Variants in CNTNAP2 observed in about 807,000 individuals in gnomAD.
CNTNAP2 encodes the protein contactin associated protein 2.
In CNTNAP2, 98 loss-of-function variants were observed where a neutral mutation model predicts 155.2. The ratio of observed to expected loss-of-function variants is 0.63; its 90% CI spans 0.54 to 0.75. The LOEUF is 0.75. Among genes scored for constraint, CNTNAP2 ranks in the 30% least tolerant of loss-of-function variants. CNTNAP2 has a pLI of 0.00. For missense variants in CNTNAP2, 1,727 were observed against 1,688.1 expected (o/e 1.02, Z -0.40); for synonymous variants, 651 against 631.2 (o/e 1.03, Z -0.47).
chr7:146,212,492 TA>T (rs1409866800), intron 1 of CNTNAP2, among the ~76,000 whole-genome samples: 1 of 152,118 alleles, frequency 6.6e-6, no homozygotes, highest in Non-Finnish European at 1.5e-5. Context: ...TTTTGAGCAT[TA>T]GATTCCCAAA....
At chr7:146,303,260 A>G (rs1800646144) in intron 1 of CNTNAP2, among the ~76,000 whole-genome samples, 1 of 152,144 alleles carries the variant, frequency 6.6e-6, no homozygotes, top group South Asian at 2.1e-4. Context: ...AAACATGAAC[A>G]AAAATTGAGA....
chr7:147,020,905 C>A (rs1022602895), intron 3 of CNTNAP2, among the ~76,000 whole-genome samples: 1 of 152,088 alleles, frequency 6.6e-6, no homozygotes, highest in African/African-American at 2.4e-5. Flanking sequence ...AATGTAGTTT[C>A]ATGTTCTTAG....
At chr7:147,408,900 T>C (rs1327228899) in intron 10 of CNTNAP2, among the ~76,000 whole-genome samples, 1 of 152,168 alleles carries the variant, frequency 6.6e-6, no homozygotes, top group African/African-American at 2.4e-5. Flanking sequence ...GCAGAGGTGA[T>C]GAGAAATGAA....
chr7:146,132,351 G>A (rs949883940), intron 1 of CNTNAP2, among the ~76,000 whole-genome samples: 1 of 152,098 alleles, frequency 6.6e-6, no homozygotes, highest in African/African-American at 2.4e-5. Context: ...AAACTACCTG[G>A]CAGATTCTGA....
At chr7:148,330,318 G>A (rs62649285) in intron 21 of CNTNAP2, among the ~76,000 whole-genome samples, 58,845 of 149,938 alleles carry the variant, frequency 0.39, 12,207 homozygotes, top group East Asian at 0.52. Context: ...TGGAGCAGAT[G>A]GATAGAGTGA....
chr7:147,102,123 A>G (rs76409409), intron 4 of CNTNAP2, among the ~76,000 whole-genome samples: 1,681 of 152,228 alleles, frequency 0.011, 28 homozygotes, highest in African/African-American at 0.038. Flanking sequence ...GTAAACTATG[A>G]GTTTTAAAAA....
At position 146,192,444 on chromosome 7, in the gene CNTNAP2, G is replaced by T. The variant is rs1312736197; in HGVS notation, c.97+75471G>T. 3.3e-5 allele frequency among the ~76,000 whole-genome samples: 5 copies of T among 152,284 alleles called. No homozygotes were observed. In the East Asian group the frequency reaches 9.7e-4, roughly 29 times the overall value. On this transcript the variant is annotated intron_variant, in intron 1 of 23. Transcript: ENST00000361727. The stretch of plus-strand genomic sequence containing the variant: ...AGAAGTTTAATGAACTCACAGTTCA[G>T]CATGGACGGGGAGGCCTCATAATCC...
intron 15 of CNTNAP2, among the ~76,000 whole-genome samples, chr7:148,095,035 G>A (rs371988202): frequency 5.3e-5 from 8 of 152,286 alleles, no homozygotes; most frequent in African/African-American, 1.9e-4. Flanking sequence ...GAAAGATGAT[G>A]AGAGAGAATA....
intron 8 of CNTNAP2, among the ~76,000 whole-genome samples, chr7:147,206,652 T>C (rs927402632): frequency 6.6e-6 from 1 of 152,198 alleles, no homozygotes; most frequent in African/African-American, 2.4e-5. Context: ...TTATATATTA[T>C]AGTGTTAATA....
intron 3 of CNTNAP2, among the ~76,000 whole-genome samples, chr7:147,033,186 A>G (rs938822484): frequency 5.4e-5 from 6 of 110,120 alleles, no homozygotes; most frequent in African/African-American, 1.7e-4. Flanking sequence ...ATATATATAT[A>G]TATATATATA....
At chr7:146,851,934 C>A (rs888779982) in intron 3 of CNTNAP2, among the ~76,000 whole-genome samples, 1 of 152,014 alleles carries the variant, frequency 6.6e-6, no homozygotes, top group Admixed American at 6.6e-5. Flanking sequence ...AGTCCTCCCA[C>A]CTCGGCCTCC....
In CNTNAP2 at chr7:147,801,855, G is replaced by C. The variant is rs1002065474; in HGVS notation, c.2099-101710G>C. 7.2e-5 allele frequency among the ~76,000 whole-genome samples: 11 copies of C among 151,730 alleles called. No individual in the cohort carries two copies. In the East Asian group the frequency reaches 1.2e-3, roughly 16 times the overall value. ...CCTGCTGGGCACACCTCCCAGACGG[G>C]GGGGGCGGCCGGGCAGAGGGGCTCC... is the stretch of plus-strand genomic sequence containing the variant. On this transcript the variant is annotated intron_variant, in intron 13 of 23. Transcript: ENST00000361727.
intron 1 of CNTNAP2, among the ~76,000 whole-genome samples, chr7:146,431,907 A>G (rs920637412): frequency 6.6e-6 from 1 of 152,108 alleles, no homozygotes; most frequent in African/African-American, 2.4e-5. Context: ...GATCTGAGAA[A>G]TATTCTTACA....
At chr7:147,600,353 A>G (rs1800920082) in intron 12 of CNTNAP2, among the ~76,000 whole-genome samples, 1 of 152,198 alleles carries the variant, frequency 6.6e-6, no homozygotes. Flanking sequence ...TATTAGTAAC[A>G]TTAGGCTTTG....
At position 146,225,694 on chromosome 7, in the gene CNTNAP2, G is replaced by T. The variant is rs115676144; in HGVS notation, c.97+108721G>T. Among the ~76,000 whole-genome samples the T allele has an allele frequency of 3.3e-3, 498 of 152,238 alleles. 1 individual carries two copies. The highest frequency in any genetic ancestry group is 0.011 in the African/African-American group (461 of 41,542). ...AATGTGTGTTATCTACCCTGTTATT[G>T]TACTAACCTATCCTCTATCCTCATC... is the stretch of plus-strand genomic sequence containing the variant. On this transcript the variant is annotated intron_variant, in intron 1 of 23. Transcript: ENST00000361727.
chr7:147,175,052 A>G (rs1361721465), intron 8 of CNTNAP2, among the ~76,000 whole-genome samples: 1 of 152,186 alleles, frequency 6.6e-6, no homozygotes, highest in Non-Finnish European at 1.5e-5. Context: ...GAAAAAAGAC[A>G]GATAAAAACA....
chr7:147,219,942 A>ATTTTTTTTT (rs34947567), intron 8 of CNTNAP2, among the ~76,000 whole-genome samples: 2 of 123,016 alleles, frequency 1.6e-5, no homozygotes, highest in African/African-American at 3.1e-5. Context: ...CGCCCAGCTA[A>ATTTTTTTTT]TTTTTTTTTT....
At chr7:147,071,585 C>T (rs1445162549) in intron 4 of CNTNAP2, among the ~76,000 whole-genome samples, 2 of 152,174 alleles carry the variant, frequency 1.3e-5, no homozygotes, top group African/African-American at 2.4e-5. Flanking sequence ...TCAGTGAATA[C>T]TTGATAGGGT....
intron 1 of CNTNAP2, among the ~76,000 whole-genome samples, chr7:146,348,352 G>T (rs1794848689): frequency 6.6e-6 from 1 of 152,150 alleles, no homozygotes; most frequent in African/African-American, 2.4e-5. Context: ...TTGAACCTGG[G>T]AAGTGAAGGT....
Sources: allele counts gnomAD v4.1 joint callset (sites outside exome capture counted in the v4.1 genomes callset), GRCh38; gene constraint gnomAD v4.1.1; transcripts MANE v1.5; gene names NCBI Gene and HGNC (gene_info 2026-07-23, HGNC 2026-07-21).